The following RORA variants were observed in gnomAD, a reference collection of about 807,000 sequenced individuals.
RORA encodes the protein RAR related orphan receptor A.
A neutral mutation model predicts 69.5 loss-of-function variants in RORA; 7 were observed. That is an observed-to-expected ratio of 0.10 (90% CI 0.06 to 0.19). The LOEUF (loss-of-function observed/expected upper bound fraction) is 0.19. RORA is among the 10% of genes least tolerant of loss of function. The pLI, the probability that RORA is intolerant of heterozygous loss-of-function variation, is 1.00. For synonymous variants in RORA, 261 were observed against 240.8 expected, an observed-to-expected ratio of 1.08 and a Z score of -0.78; for missense variants, 457 against 663.0, an observed-to-expected ratio of 0.69 and a Z score of 3.41.
intron 6 of RORA, 62 bp downstream of exon 6, chr15:60,505,446 C>G (rs1274466521): frequency 8.9e-6 from 14 of 1,569,344 alleles, no homozygotes; most frequent in Admixed American, 3.4e-5. Context: ...ACCAACTTTC[C>G]TATACCAACA....
chr15:60,592,472 C>A, intron 2 of RORA: 2 of 1,363,262 alleles, frequency 1.5e-6, no homozygotes, highest in Non-Finnish European at 1.9e-6. Context: ...CCCGGAGCCC[C>A]CTCTGCCGCC....
intron 1 of RORA, among the ~76,000 whole-genome samples, chr15:60,707,747 C>T (rs1480523901): frequency 6.6e-6 from 1 of 152,166 alleles, no homozygotes; most frequent in East Asian, 1.9e-4. Flanking sequence ...CCTCGTTGAC[C>T]TCTTCCTCTC....
intron 1 of RORA, among the ~76,000 whole-genome samples, chr15:60,955,255 T>A (rs1291127583): frequency 6.6e-6 from 1 of 152,180 alleles, no homozygotes; most frequent in Non-Finnish European, 1.5e-5. Flanking sequence ...TGAGCCGAGA[T>A]TGTGCCACTG....
chr15:60,685,688 T>C (rs2070735316), intron 1 of RORA, among the ~76,000 whole-genome samples: 1 of 152,208 alleles, frequency 6.6e-6, no homozygotes, highest in South Asian at 2.1e-4. Context: ...TTGGACTTTG[T>C]TTCAAAAATT....
intron 1 of RORA, among the ~76,000 whole-genome samples, chr15:61,035,795 A>C (rs1896429857): frequency 6.6e-6 from 1 of 152,244 alleles, no homozygotes; most frequent in Non-Finnish European, 1.5e-5. Flanking sequence ...AAACAGAAGC[A>C]TTTCTAAGCA....
chr15:61,067,080 T>G (rs1284227590), intron 1 of RORA, among the ~76,000 whole-genome samples: 1 of 151,660 alleles, frequency 6.6e-6, no homozygotes, highest in Non-Finnish European at 1.5e-5. Context: ...TGACATATTA[T>G]CTATGTATGT....
chr15:60,556,852 C>T, intron 2 of RORA: 4 of 1,607,642 alleles, frequency 2.5e-6, no homozygotes, highest in Non-Finnish European at 2.6e-6. Context: ...TTTCCCCTCA[C>T]CATTCATGTA....
At chr15:60,833,776 G>C (rs2073079658) in intron 1 of RORA, among the ~76,000 whole-genome samples, 1 of 152,222 alleles carries the variant, frequency 6.6e-6, no homozygotes, top group Non-Finnish European at 1.5e-5. Flanking sequence ...AAGATCCAGG[G>C]AGGAAGAGTG....
At chr15:61,056,792 C>T (rs2140523256) in intron 1 of RORA, among the ~76,000 whole-genome samples, 1 of 152,322 alleles carries the variant, frequency 6.6e-6, no homozygotes, top group East Asian at 1.9e-4. Flanking sequence ...GACACCCGTC[C>T]AGTTTCCTTC....
chr15:60,668,960 A>T (rs1185295939), intron 2 of RORA, among the ~76,000 whole-genome samples: 1 of 152,224 alleles, frequency 6.6e-6, no homozygotes, highest in Non-Finnish European at 1.5e-5. Flanking sequence ...AGTAATAGTC[A>T]CTGCAGTTGA....
intron 1 of RORA, among the ~76,000 whole-genome samples, chr15:61,043,573 C>T (rs1896883186): frequency 6.6e-6 from 1 of 152,172 alleles, no homozygotes; most frequent in South Asian, 2.1e-4. Flanking sequence ...GGACATCAGA[C>T]ATTGGAGCTA....
At chr15:61,192,617 A>G (rs1017133164) in intron 1 of RORA, among the ~76,000 whole-genome samples, 4 of 152,240 alleles carry the variant, frequency 2.6e-5, no homozygotes, top group African/African-American at 7.2e-5. Flanking sequence ...ACCCAAAGCC[A>G]GTCAGGCAGT....
chr15:60,794,405 A>G (rs2072460881), intron 1 of RORA, among the ~76,000 whole-genome samples: 1 of 152,130 alleles, frequency 6.6e-6, no homozygotes, highest in South Asian at 2.1e-4. Context: ...TATACATATC[A>G]CCTGTGTTTT....
chr15:60,800,045 A>T (rs771667172), intron 1 of RORA, among the ~76,000 whole-genome samples: 1 of 152,196 alleles, frequency 6.6e-6, no homozygotes, highest in African/African-American at 2.4e-5. Flanking sequence ...CATGTGCTAC[A>T]CCAAGTCTGC....
chr15:61,224,879 G>C (rs914062854), intron 1 of RORA, among the ~76,000 whole-genome samples: 2 of 152,094 alleles, frequency 1.3e-5, no homozygotes, highest in Non-Finnish European at 2.9e-5. Context: ...AAGCTGAAGG[G>C]TCTCATCGTT....
intron 1 of RORA, among the ~76,000 whole-genome samples, chr15:61,103,779 G>A (rs1055716727): frequency 8.5e-5 from 13 of 152,268 alleles, no homozygotes; most frequent in Non-Finnish European, 1.6e-4. Flanking sequence ...TCATTTGCAT[G>A]TAGGAAAGAG....
At chr15:60,935,266 T>C (rs1195759521) in intron 1 of RORA, among the ~76,000 whole-genome samples, 1 of 152,226 alleles carries the variant, frequency 6.6e-6, no homozygotes, top group Non-Finnish European at 1.5e-5. Context: ...TATTCTGGCT[T>C]TGTGTAGACA....
chr15:60,539,290 A>G (rs1335996120), intron 2 of RORA, among the ~76,000 whole-genome samples: 2 of 152,174 alleles, frequency 1.3e-5, no homozygotes, highest in African/African-American at 4.8e-5. Context: ...TGGGAACTGA[A>G]TATTAATCCT....
chr15:60,877,619 C>T (rs1016190988), intron 1 of RORA, among the ~76,000 whole-genome samples: 1 of 152,112 alleles, frequency 6.6e-6, no homozygotes, highest in African/African-American at 2.4e-5. Context: ...CATATCCAAG[C>T]ATTTTTAATG....
Sources: gnomAD v4.1 joint callset for allele counts (sites outside exome capture counted in the v4.1 genomes callset) on GRCh38, gnomAD v4.1.1 for gene constraint, MANE v1.5 for transcripts, NCBI Gene and HGNC (gene_info 2026-07-23, HGNC 2026-07-21) for gene names.